Variants in LTA4H observed in about 807,000 individuals in gnomAD.
The protein encoded by LTA4H is leukotriene A4 hydrolase, also known as leukotriene A-4 hydrolase.
LTA4H carries 59 observed loss-of-function variants against 89.8 expected under a neutral mutation model. That is an observed-to-expected ratio of 0.66 (90% CI 0.53 to 0.82). The LOEUF (loss-of-function observed/expected upper bound fraction) is 0.82, where lower values mean the gene tolerates loss of function less well. Ranked by LOEUF, LTA4H falls within the 40% of genes least tolerant of loss-of-function variation. The pLI, the probability that LTA4H is intolerant of heterozygous loss-of-function variation, is 0.00. For synonymous variants in LTA4H, 227 were observed against 253.1 expected (o/e 0.90, Z 0.98); for missense variants, 617 against 727.0 (o/e 0.85, Z 1.74).
chr12:96,015,242 T>G (rs1950359093), intron 11 of LTA4H: 1 of 481,660 alleles, frequency 2.1e-6, no homozygotes, highest in Non-Finnish European at 3.6e-6. Flanking sequence ...ATAAAAAGAC[T>G]AGAAAAATGA....
chr12:96,018,922 T>C lies in LTA4H; in HGVS notation c.712-19A>G, dbSNP rs113120141. ...ATTCAGTCTGAAAAATCAACATATA[T>C]ATGTCTGTATGCCTTAATTATCACC... On this transcript the variant is annotated intron_variant, in intron 7 of 18. Transcript: ENST00000228740. 9 of 1,554,644 alleles carry C rather than the reference T, an allele frequency of 5.8e-6. No homozygotes were observed. In the African/African-American group the frequency reaches 9.6e-5, roughly 17 times the overall value.
At chr12:96,001,937 A>T (rs1950111027) in intron 18 of LTA4H, among the ~76,000 whole-genome samples, 1 of 151,804 alleles carries the variant, frequency 6.6e-6, no homozygotes, top group African/African-American at 2.4e-5. Context: ...AGCTCACTGC[A>T]ACCTCTGCCT....
chr12:96,004,964 T>A (rs1050719876), intron 16 of LTA4H, among the ~76,000 whole-genome samples: 5 of 152,124 alleles, frequency 3.3e-5, no homozygotes, highest in African/African-American at 1.2e-4. Context: ...AAATAGATTC[T>A]CTCTTTGATG....
At position 96,021,251 on chromosome 12, in the gene LTA4H, T is replaced by C. The variant is rs542867894; in HGVS notation, c.586-114A>G. On this transcript the variant is annotated intron_variant, in intron 5 of 18. Coordinates refer to ENST00000228740, the MANE Select transcript of LTA4H (RefSeq NM_000895.3). ...AAATTCCCTTTCAAATCTCCTAATA[T>C]TAGTAGGGATAACTTTGCTTTTATA... 13 of 697,054 alleles carry C rather than the reference T, an allele frequency of 1.9e-5. No homozygotes were observed. The East Asian group carries it at 4.0e-4, about 21-fold the overall frequency. 43.2% of individuals were successfully genotyped at this position (697,054 alleles called of 1,614,324 possible).
intron 2 of LTA4H, 77 bp downstream of exon 2, chr12:96,028,978 G>GAA: frequency 7.9e-7 from 1 of 1,260,504 alleles, no homozygotes; most frequent in South Asian, 1.9e-5. Flanking sequence ...AATTTAAAAA[G>GAA]AAAAAATATT....
chr12:96,024,960 G>A (rs576237317), intron 3 of LTA4H, among the ~76,000 whole-genome samples: 122 of 152,204 alleles, frequency 8.0e-4, no homozygotes, highest in African/African-American at 2.8e-3. Context: ...GAGCCACCAC[G>A]CCTGGCCTTT....
intron 18 of LTA4H, among the ~76,000 whole-genome samples, 165 bp downstream of exon 18, chr12:96,002,795 T>G (rs1410885820): frequency 6.6e-6 from 1 of 152,236 alleles, no homozygotes; most frequent in African/African-American, 2.4e-5. Context: ...GGAATGAAAT[T>G]ATTTCACATT....
At chr12:96,017,695 A>G in intron 8 of LTA4H, 115 bp from the exon 9 acceptor site, 1 of 664,660 alleles carries the variant, frequency 1.5e-6, no homozygotes, top group South Asian at 2.0e-5. Context: ...TATTTCTACT[A>G]CAGCACTTCA....
intron 1 of LTA4H, among the ~76,000 whole-genome samples, chr12:96,040,827 T>A (rs1950681684): frequency 6.6e-6 from 1 of 152,242 alleles, no homozygotes; most frequent in South Asian, 2.1e-4. Context: ...TTACTAAGAC[T>A]CCTGGTCTCA....
chr12:96,036,950 C>T (rs890806472), upstream of LTA4H, among the ~76,000 whole-genome samples: 2 of 152,244 alleles, frequency 1.3e-5, no homozygotes, highest in African/African-American at 4.8e-5. Context: ...GATTGCGGGG[C>T]CGGTGCCACA....
chr12:96,024,947 C>T (rs1018056767), intron 3 of LTA4H, among the ~76,000 whole-genome samples: 1 of 152,094 alleles, frequency 6.6e-6, no homozygotes, highest in Admixed American at 6.5e-5. Context: ...GGATTACAGG[C>T]GTGAGCCACC....
intron 16 of LTA4H, 33 bp downstream of exon 16, chr12:96,006,281 T>C (rs748473851): frequency 1.4e-6 from 2 of 1,404,858 alleles, no homozygotes; most frequent in Non-Finnish European, 2.0e-6. Context: ...TTTCTGTCCA[T>C]TTTAATTTCT....
intron 6 of LTA4H, among the ~76,000 whole-genome samples, chr12:96,020,356 A>G (rs1334961239): frequency 1.3e-5 from 2 of 152,226 alleles, no homozygotes; most frequent in Non-Finnish European, 2.9e-5. Flanking sequence ...TGACACCTTG[A>G]ATGAAATAAG....
At chr12:96,009,523 T>C (rs1199604006) in intron 14 of LTA4H, 1 of 186,830 alleles carries the variant, frequency 5.4e-6, no homozygotes, top group African/African-American at 2.4e-5. Context: ...CATCAAGTCC[T>C]TGCTGTCATG....
chr12:96,022,462 T>C lies in LTA4H; in HGVS notation c.481-211A>G, dbSNP rs1219930557. 6.6e-6 allele frequency among the ~76,000 whole-genome samples: 1 copy of C among 152,104 alleles called. No homozygotes were observed. The highest frequency in any genetic ancestry group is 1.9e-4 in the East Asian group (1 of 5,206). Reference sequence around the variant, plus strand: ...AGATGTGTATATATATGCACACATATATATGTGTATATATATAAAACACAT... The same window carrying C: ...AGATGTGTATATATATGCACACATACATATGTGTATATATATAAAACACAT... On this transcript the variant is annotated intron_variant, in intron 4 of 18. Transcript: ENST00000228740. The surrounding 1 kb of genome is among the most constrained non-coding windows in gnomAD (Gnocchi z 4.0).
At chr12:96,033,595 C>T (rs1488793969) in intron 1 of LTA4H, among the ~76,000 whole-genome samples, 1 of 152,142 alleles carries the variant, frequency 6.6e-6, no homozygotes, top group African/African-American at 2.4e-5. Context: ...TTCTGGGGTA[C>T]ATGTGCAGAA....
chr12:96,008,635 G>A (rs1266908633), intron 15 of LTA4H, among the ~76,000 whole-genome samples: 2 of 152,032 alleles, frequency 1.3e-5, no homozygotes, highest in African/African-American at 4.8e-5. Context: ...TAATTTTCTA[G>A]GCTGGGCACA....
intron 13 of LTA4H, among the ~76,000 whole-genome samples, chr12:96,013,515 T>C (rs1444705814): frequency 1.3e-5 from 2 of 152,224 alleles, no homozygotes; most frequent in African/African-American, 4.8e-5. Context: ...CATCTAACTC[T>C]ATCTTCTAAA....
chr12:96,020,885 G>T, intron 6 of LTA4H, 200 bp downstream of exon 6: 1 of 496,938 alleles, frequency 2.0e-6, no homozygotes. Context: ...TACAATACTT[G>T]AAAAAATAAG....
Sources: gnomAD v4.1 joint callset for allele counts (sites outside exome capture counted in the v4.1 genomes callset) on GRCh38, gnomAD v4.1.1 for gene constraint, Gnocchi (gnomAD v3.1) non-coding constraint, MANE v1.5 for transcripts, NCBI Gene and HGNC (gene_info 2026-07-23, HGNC 2026-07-21) for gene names.